GANC: variants seen among roughly 807,000 people sequenced by gnomAD.
GANC encodes the protein neutral alpha-glucosidase C.
GANC carries 117 observed loss-of-function variants against 124.2 expected under a neutral mutation model. That is an observed-to-expected ratio of 0.94 (90% CI 0.81 to 1.10). GANC has a LOEUF of 1.10. GANC is among the 50% of genes least tolerant of loss of function. GANC has a pLI of 0.00. For synonymous variants in GANC, 377 were observed against 376.8 expected (o/e 1.00, Z -0.01); for missense variants, 1,140 against 1,095.0 (o/e 1.04, Z -0.58).
chr15:42,282,315 C>T (rs2051741985), intron 3 of GANC, among the ~76,000 whole-genome samples: 1 of 147,198 alleles, frequency 6.8e-6, no homozygotes, highest in Non-Finnish European at 1.5e-5. Flanking sequence ...CAGTGAGACT[C>T]TGTCTCAAAA....
At position 42,279,082 on chromosome 15, in the gene GANC, A is replaced by G. The variant is rs529011222; in HGVS notation, c.201+492A>G. 5.9e-5 allele frequency among the ~76,000 whole-genome samples: 9 copies of G among 152,392 alleles called. No individual in the cohort carries two copies. The East Asian group carries it at 7.7e-4, about 13-fold the overall frequency. On this transcript the variant is annotated intron_variant, in intron 3 of 23. Coordinates refer to ENST00000318010, the MANE Select transcript of GANC (RefSeq NM_198141.3). Reference sequence around the variant, plus strand: ...GTAATAGGTATATGAATATAAGTATATAGATTGCCTGTGTATCAGATGTTT... The same window carrying G: ...GTAATAGGTATATGAATATAAGTATGTAGATTGCCTGTGTATCAGATGTTT...
At chr15:42,310,936 T>TCTAC in intron 10 of GANC, 90 bp downstream of exon 10, 1 of 1,379,294 alleles carries the variant, frequency 7.3e-7, no homozygotes, top group Non-Finnish European at 1.0e-6. Context: ...TGTTGTATAC[T>TCTAC]ATGTAGAGTT....
chr15:42,345,659 G>T, intron 19 of GANC, 99 bp from the exon 20 acceptor site: 1 of 672,304 alleles, frequency 1.5e-6, no homozygotes. Flanking sequence ...TAGCTTTCTG[G>T]TTATTTGAAA....
Position 42,351,386 on chromosome 15 carries a change from C to T in GANC, c.2589C>T (p.Val863=). Residue 863 remains valine (V), a synonymous_variant, in exon 23 of 24, where the codon GTC becomes GTT. Transcript: ENST00000318010. ...PSKCVVEKIL[V]LGFRKEPSSV... is the part of the protein sequence containing the mutation. ...AGTGTGTGGTGGAGAAGATCTTGGT[C>T]TTAGGCTTCAGGAAGGAGCCATCTT... The T allele has an allele frequency of 6.2e-7, 1 of 1,614,070 alleles. No homozygotes were observed. The highest frequency in any genetic ancestry group is 1.7e-5 in the Admixed American group (1 of 60,016).
Position 42,321,836 on chromosome 15 carries a change from G to A in GANC, c.1109G>A (p.Trp370Ter), listed in dbSNP as rs760465920. 2 of 1,614,224 alleles carry A rather than the reference G, an allele frequency of 1.2e-6. No individual in the cohort carries two copies. The highest frequency in any genetic ancestry group is 2.2e-5 in the South Asian group (2 of 91,082). Reference sequence around the variant, plus strand: ...TCTTTGGGATACCACCAGTGCCGCTGGAACTATGAAGATGAGCAGGATGTA... The same window carrying A: ...TCTTTGGGATACCACCAGTGCCGCTAGAACTATGAAGATGAGCAGGATGTA... ...LFSLGYHQCR[W>*]NYEDEQDVKA... The change falls in exon 11 of 24, where the codon TGG (tryptophan) becomes TAG (stop). Residue 370 changes from tryptophan to a stop codon, truncating the protein, a stop_gained. Coordinates refer to ENST00000318010, the MANE Select transcript of GANC (RefSeq NM_198141.3). LOFTEE classifies it high-confidence loss of function.
rs772585046 is a variant in GANC, at chr15:42,339,655, T to C, written c.1844-14T>C. 5 of 1,608,270 alleles carry C rather than the reference T, an allele frequency of 3.1e-6. No individual in the cohort carries two copies. Among genetic ancestry groups the C allele is most frequent in the East Asian group, 2.2e-5 (1 of 44,784 alleles). ...AAAGCTTGGTTGCCTCACTTGGCCT[T>C]CTTTTGCTTCCAGCTGACATAGGCG... On this transcript the variant is annotated splice_polypyrimidine_tract_variant and intron_variant, in intron 16 of 23. Transcript: ENST00000318010.
At chr15:42,288,552 T>C (rs1008539071) in intron 4 of GANC, among the ~76,000 whole-genome samples, 5 of 152,210 alleles carry the variant, frequency 3.3e-5, no homozygotes, top group African/African-American at 1.2e-4. Flanking sequence ...ATTTTTTCCA[T>C]GAAAATCTTA....
intron 3 of GANC, among the ~76,000 whole-genome samples, chr15:42,287,241 T>C (rs1031280077): frequency 1.3e-5 from 2 of 152,208 alleles, no homozygotes; most frequent in African/African-American, 4.8e-5. Context: ...TGTACTGTTT[T>C]CTCTTCTGTA....
chr15:42,294,419 C>G (rs1432031987), intron 5 of GANC, among the ~76,000 whole-genome samples: 1 of 150,540 alleles, frequency 6.6e-6, no homozygotes, highest in Non-Finnish European at 1.5e-5. Flanking sequence ...AGTAAAAATA[C>G]AAAAATTTAG....
At chr15:42,299,455 C>T (rs912649762) in intron 6 of GANC, among the ~76,000 whole-genome samples, 7 of 152,130 alleles carry the variant, frequency 4.6e-5, no homozygotes, top group Admixed American at 3.3e-4. Flanking sequence ...CTGCTGAATT[C>T]GGTTTGCCAG....
At chr15:42,334,660 A>G (rs1415580311) in intron 15 of GANC, among the ~76,000 whole-genome samples, 2 of 152,180 alleles carry the variant, frequency 1.3e-5, no homozygotes, top group Non-Finnish European at 1.5e-5. Flanking sequence ...ACATATACAG[A>G]TATATCTGCC....
chr15:42,279,273 C>T (rs191192075), intron 3 of GANC, among the ~76,000 whole-genome samples: 10 of 152,296 alleles, frequency 6.6e-5, no homozygotes, highest in East Asian at 5.8e-4. Context: ...ATCTGTCAGA[C>T]GCTGTCACCC....
chr15:42,273,444 G>A lies in GANC; in HGVS notation c.-1038G>A, dbSNP rs563845220. On this transcript the variant is annotated 5_prime_UTR_variant, in exon 1 of 24. Coordinates refer to ENST00000318010, the MANE Select transcript of GANC (RefSeq NM_198141.3). The stretch of plus-strand genomic sequence containing the variant: ...TACCGAAAGCATTTCACCCTCTTCC[G>A]GTTCGTCCCGCCTTCTTCCGGCTCT... The A allele has an allele frequency of 2.5e-6, 4 of 1,609,204 alleles. No individual in the cohort carries two copies. In the East Asian group the frequency reaches 8.9e-5, roughly 36 times the overall value.
At chr15:42,340,261 G>C (rs985213696) in intron 17 of GANC, among the ~76,000 whole-genome samples, 2 of 152,090 alleles carry the variant, frequency 1.3e-5, no homozygotes, top group African/African-American at 4.8e-5. Context: ...CCAGGCTTAG[G>C]CTTGAATCAT....
Position 42,352,728 on chromosome 15 carries a change from G to A in GANC, c.*589G>A, listed in dbSNP as rs1195802920. 2 of 985,764 alleles carry A rather than the reference G, an allele frequency of 2.0e-6. No homozygotes were observed. The highest frequency in any genetic ancestry group is 3.5e-5 in the African/African-American group (2 of 57,350). 61.1% of individuals were successfully genotyped at this position (985,764 alleles called of 1,614,324 possible). A position where few individuals can be genotyped will look rare whatever the true frequency, so the allele number is the denominator to read the frequency against. On this transcript the variant is annotated 3_prime_UTR_variant, in exon 24 of 24. Coordinates refer to ENST00000318010, the MANE Select transcript of GANC (RefSeq NM_198141.3). ...ATTCTTTTCTCTTTCATGCTTCTCAGGCTCAATAGTTTCTAATTAATCTTA... is the reference window on the plus strand; with the variant it reads ...ATTCTTTTCTCTTTCATGCTTCTCAAGCTCAATAGTTTCTAATTAATCTTA...
chr15:42,283,353 G>A (rs2051752761), intron 3 of GANC, among the ~76,000 whole-genome samples: 1 of 152,198 alleles, frequency 6.6e-6, no homozygotes, highest in South Asian at 2.1e-4. Flanking sequence ...AGTGTTGACT[G>A]CTTTTGTAGA....
At chr15:42,329,766 G>A (rs1385515292) in intron 14 of GANC, among the ~76,000 whole-genome samples, 1 of 152,118 alleles carries the variant, frequency 6.6e-6, no homozygotes, top group Non-Finnish European at 1.5e-5. Flanking sequence ...ATTGATGCAA[G>A]CAGTATATAA....
intron 18 of GANC, 24 bp downstream of exon 18, chr15:42,340,778 T>G: frequency 2.5e-6 from 4 of 1,581,306 alleles, no homozygotes; most frequent in Non-Finnish European, 3.4e-6. Context: ...TTTTTTTTTT[T>G]TTTTTTGAGA....
chr15:42,347,330 G>C (rs989581139), intron 20 of GANC, among the ~76,000 whole-genome samples: 1 of 152,116 alleles, frequency 6.6e-6, no homozygotes, highest in African/African-American at 2.4e-5. Context: ...GTATGTTCTT[G>C]TACTCTCCTG....
Sources: allele counts gnomAD v4.1 joint callset (sites outside exome capture counted in the v4.1 genomes callset), GRCh38; gene constraint gnomAD v4.1.1; transcripts MANE v1.5; gene names NCBI Gene and HGNC (gene_info 2026-07-23, HGNC 2026-07-21).